The following HS3ST5 variants were observed in gnomAD, a reference collection of about 807,000 sequenced individuals.
HS3ST5 encodes heparan sulfate-glucosamine 3-sulfotransferase 5, also known as heparan sulfate glucosamine 3-O-sulfotransferase 5.
HS3ST5 carries 10 observed loss-of-function variants against 25.4 expected under a neutral mutation model. That is an observed-to-expected ratio of 0.39 (90% confidence interval 0.24 to 0.67). HS3ST5 has a LOEUF of 0.67. HS3ST5 is among the 30% of genes least tolerant of loss of function. The probability of loss-of-function intolerance (pLI) is 0.44; values close to 1 mark genes in which losing one functional copy is unlikely to be tolerated. For missense variants in HS3ST5, 324 were observed against 420.7 expected (o/e 0.77, Z 2.01); for synonymous variants, 170 against 162.4 (o/e 1.05, Z -0.36).
chr6:114,122,471 G>A (rs759670654), intron 3 of HS3ST5, among the ~76,000 whole-genome samples: 3 of 152,122 alleles, frequency 2.0e-5, no homozygotes, highest in Non-Finnish European at 4.4e-5. Context: ...AGGTATTTAT[G>A]GCATCCAGTT....
chr6:114,285,359 T>C (rs1178864596), intron 1 of HS3ST5, among the ~76,000 whole-genome samples: 1 of 151,840 alleles, frequency 6.6e-6, no homozygotes, highest in East Asian at 1.9e-4. Flanking sequence ...GCTACCTGGG[T>C]GACAAAATAA....
chr6:114,260,864 T>C (rs1773139466), intron 1 of HS3ST5, among the ~76,000 whole-genome samples: 1 of 152,184 alleles, frequency 6.6e-6, no homozygotes, highest in Non-Finnish European at 1.5e-5. Context: ...AAAAGGAAGC[T>C]GGAGAGGAGT....
At chr6:114,069,678 C>A (rs1412769333) in intron 3 of HS3ST5, among the ~76,000 whole-genome samples, 1 of 151,992 alleles carries the variant, frequency 6.6e-6, no homozygotes, top group African/African-American at 2.4e-5. Flanking sequence ...CCGCCATGCC[C>A]AGTTAATTTT....
intron 1 of HS3ST5, among the ~76,000 whole-genome samples, chr6:114,321,272 A>G (rs988447456): frequency 6.6e-6 from 1 of 152,082 alleles, no homozygotes; most frequent in African/African-American, 2.4e-5. Flanking sequence ...TGCTCCATCT[A>G]TATCAAAAAC....
At chr6:114,099,525 G>C (rs1486876816) in intron 3 of HS3ST5, among the ~76,000 whole-genome samples, 1 of 152,134 alleles carries the variant, frequency 6.6e-6, no homozygotes, top group African/African-American at 2.4e-5. Flanking sequence ...AAAAGTCATT[G>C]AGTAATCAAC....
At chr6:114,133,547 G>A (rs1357541151) in intron 3 of HS3ST5, among the ~76,000 whole-genome samples, 1 of 152,186 alleles carries the variant, frequency 6.6e-6, no homozygotes, top group Non-Finnish European at 1.5e-5. Context: ...TAGGCTAAGA[G>A]GAGGGGACTA....
Position 114,317,189 on chromosome 6 carries a change from G to A in HS3ST5, c.-339+25006C>T, listed in dbSNP as rs925714108. Among the ~76,000 whole-genome samples the A allele has an allele frequency of 2.6e-4, 40 of 152,182 alleles. 1 individual carries two copies. Among genetic ancestry groups the A allele is most frequent in the Admixed American group, 2.3e-3 (35 of 15,282 alleles). ...ATCAAATGTGGAATTTATGTCCAAC[G>A]TCCCCCTAAAAGCTAAGTCACTGTG... On this transcript the variant is annotated intron_variant, in intron 1 of 4. Transcript: ENST00000312719.
chr6:114,132,429 T>G (rs1389802282), intron 3 of HS3ST5: 2 of 152,240 alleles, frequency 1.3e-5, no homozygotes, highest in Non-Finnish European at 2.9e-5. Context: ...CTCACCCTCT[T>G]GTTTGCATAC....
At chr6:114,141,555 G>A (rs1777899592) in intron 3 of HS3ST5, among the ~76,000 whole-genome samples, 1 of 152,212 alleles carries the variant, frequency 6.6e-6, no homozygotes, top group Non-Finnish European at 1.5e-5. Flanking sequence ...GTGAGTGAGA[G>A]CTAAGCTGCA....
At chr6:114,080,415 C>G (rs138184025) in intron 3 of HS3ST5, among the ~76,000 whole-genome samples, 11 of 152,300 alleles carry the variant, frequency 7.2e-5, no homozygotes, top group African/African-American at 2.6e-4. Flanking sequence ...TACCATTTGA[C>G]CCAGCAATCC....
chr6:114,293,248 G>A (rs1395538443), intron 1 of HS3ST5, among the ~76,000 whole-genome samples: 1 of 152,140 alleles, frequency 6.6e-6, no homozygotes, highest in African/African-American at 2.4e-5. Context: ...GCTCAGAGCA[G>A]GAGAAAGAGC....
chr6:114,168,996 G>GAGTACATGTTTGGCTCTAA (rs1779344883), intron 2 of HS3ST5, among the ~76,000 whole-genome samples: 1 of 152,040 alleles, frequency 6.6e-6, no homozygotes, highest in Non-Finnish European at 1.5e-5. Context: ...TCTAGCTGCA[G>GAGTACATGTTTGGCTCTAA]AGTACATGTT....
chr6:114,268,359 G>A (rs548609542), intron 1 of HS3ST5, among the ~76,000 whole-genome samples: 2 of 152,154 alleles, frequency 1.3e-5, no homozygotes, highest in Non-Finnish European at 2.9e-5. Context: ...CTCTGCCATT[G>A]TTGCTCTTCC....
intron 1 of HS3ST5, chr6:114,251,527 A>G (rs2114628461): frequency 6.6e-6 from 1 of 152,238 alleles, no homozygotes; most frequent in African/African-American, 2.4e-5. Context: ...AGTATTCAAA[A>G]TTCCAAGCAT....
rs1491154293 is a variant in HS3ST5, at chr6:114,093,352, T to TG, written c.-32-30476_-32-30475insC. ...ACCTTGTATCTTTTTTGTTTGTTTG[T>TG]TTGTGTGTGTGTGTGTGTGTGTGTG... On this transcript the variant is annotated intron_variant, in intron 3 of 4. Transcript: ENST00000312719. Among the ~76,000 whole-genome samples the TG allele has an allele frequency of 2.0e-3, 181 of 88,794 alleles. 1 individual carries two copies. The highest frequency in any genetic ancestry group is 2.4e-3 in the African/African-American group (56 of 23,254). 58.3% of individuals were successfully genotyped at this position (88,794 alleles called of 152,430 possible).
intron 1 of HS3ST5, among the ~76,000 whole-genome samples, chr6:114,289,855 CAA>C (rs1467849496): frequency 6.6e-6 from 1 of 151,964 alleles, no homozygotes. Context: ...GCTTTGAAAT[CAA>C]AGTTAAATAT....
intron 1 of HS3ST5, among the ~76,000 whole-genome samples, chr6:114,247,615 A>T (rs1490113382): frequency 1.3e-5 from 2 of 152,048 alleles, no homozygotes; most frequent in Non-Finnish European, 2.9e-5. Flanking sequence ...CTATTCCTTC[A>T]TGTTTAAAAG....
chr6:114,147,611 C>T (rs900651562), intron 3 of HS3ST5, among the ~76,000 whole-genome samples: 6 of 152,096 alleles, frequency 3.9e-5, no homozygotes, highest in East Asian at 3.9e-4. Context: ...TTTGGAGTCT[C>T]GCTCTGTCAC....
intron 3 of HS3ST5, among the ~76,000 whole-genome samples, chr6:114,135,265 T>C (rs904098580): frequency 7.9e-5 from 12 of 152,270 alleles, no homozygotes; most frequent in African/African-American, 1.4e-4. Context: ...CACAGCACTA[T>C]TGATTAGATT....
Sources: gnomAD v4.1 joint callset for allele counts (sites outside exome capture counted in the v4.1 genomes callset) on GRCh38, gnomAD v4.1.1 for gene constraint, MANE v1.5 for transcripts, NCBI Gene and HGNC (gene_info 2026-07-23, HGNC 2026-07-21) for gene names.